PDE4D: variants seen among roughly 807,000 people sequenced by gnomAD.
The protein encoded by PDE4D is 3',5'-cyclic-AMP phosphodiesterase 4D.
In PDE4D, 24 loss-of-function variants were observed where a neutral mutation model predicts 87.4. That is an observed-to-expected ratio of 0.27 (90% CI 0.20 to 0.39). The LOEUF (loss-of-function observed/expected upper bound fraction) is 0.39. Among genes scored for constraint, PDE4D ranks in the 10% least tolerant of loss-of-function variants. The pLI is 1.00. For missense variants in PDE4D, 714 were observed against 1,041.0 expected (o/e 0.69, Z 4.32); for synonymous variants, 384 against 383.2 (o/e 1.00, Z -0.02).
chr5:60,225,292 C>A lies in PDE4D; in HGVS notation c.-89-39605G>T, dbSNP rs189131753. 2.1e-3 allele frequency among the ~76,000 whole-genome samples: 323 copies of A among 152,092 alleles called. 1 individual carries two copies. Among genetic ancestry groups the A allele is most frequent in the Middle Eastern group, 6.8e-3 (2 of 292 alleles). ...ACTGAATGAATTTTCTTACTTGCCT[C>A]GTATTTATACCAGGGCTTTAGAATT... On this transcript the variant is annotated intron_variant, in intron 1 of 16. Coordinates refer to the PDE4D transcript ENST00000502484.
chr5:59,169,326 T>A (rs989579252), intron 5 of PDE4D, among the ~76,000 whole-genome samples: 10 of 152,198 alleles, frequency 6.6e-5, no homozygotes, highest in Middle Eastern at 3.4e-3. Context: ...TTTTATTTTT[T>A]TTTTTTCTTT....
intron 1 of PDE4D, among the ~76,000 whole-genome samples, chr5:60,273,671 T>C (rs562876747): frequency 2.0e-5 from 3 of 151,828 alleles, no homozygotes; most frequent in African/African-American, 7.2e-5. Flanking sequence ...GAATCAAGAG[T>C]GATAGAATCC....
chr5:59,231,296 T>C lies in PDE4D; in HGVS notation c.456-15328A>G, dbSNP rs970160237. Among the ~76,000 whole-genome samples, 7 of 152,344 alleles carry C rather than the reference T, an allele frequency of 4.6e-5. No individual in the cohort carries two copies. The East Asian group carries it at 1.4e-3, about 29-fold the overall frequency. ...GAAATTCTGCTTGTTGTCTGCCATA[T>C]TCCATTCTCTGCCTGTTCCTGGGCA... is the stretch of plus-strand genomic sequence containing the variant. On this transcript the variant is annotated intron_variant, in intron 1 of 14. Coordinates refer to ENST00000340635, the MANE Select transcript of PDE4D (RefSeq NM_001104631.2).
At chr5:60,197,030 T>G (rs1048058285) in intron 1 of PDE4D, among the ~76,000 whole-genome samples, 1 of 80,670 alleles carries the variant, frequency 1.2e-5, no homozygotes, top group Non-Finnish European at 2.4e-5. Context: ...GATAGATAGA[T>G]AGATAGATAG....
At chr5:59,648,477 G>T (rs1279767496) in intron 1 of PDE4D, among the ~76,000 whole-genome samples, 2 of 152,124 alleles carry the variant, frequency 1.3e-5, no homozygotes, top group African/African-American at 4.8e-5. Flanking sequence ...TACTATGAAT[G>T]TGAGCTTCTG....
At chr5:59,607,553 AGGAGGAGAGC>A (rs1218465698) in intron 1 of PDE4D, among the ~76,000 whole-genome samples, 3 of 152,098 alleles carry the variant, frequency 2.0e-5, no homozygotes, top group African/African-American at 4.8e-5. Flanking sequence ...CAGCATGCCA[AGGAGGAGAGC>A]GGAAAAGAGC....
At chr5:59,421,969 C>T (rs1343530263) in intron 1 of PDE4D, among the ~76,000 whole-genome samples, 3 of 152,102 alleles carry the variant, frequency 2.0e-5, no homozygotes, top group Non-Finnish European at 2.9e-5. Context: ...ACCTTGTTTC[C>T]ATGGTCCTAT....
intron 1 of PDE4D, among the ~76,000 whole-genome samples, chr5:60,326,685 C>T (rs961163062): frequency 6.6e-6 from 1 of 152,118 alleles, no homozygotes; most frequent in African/African-American, 2.4e-5. Context: ...TTTGCCCACA[C>T]AGAGCTATTC....
At chr5:59,130,191 G>C (rs1408902825) in intron 5 of PDE4D, among the ~76,000 whole-genome samples, 1 of 152,118 alleles carries the variant, frequency 6.6e-6, no homozygotes, top group Admixed American at 6.5e-5. Context: ...GTTTCACTGA[G>C]TATCTGATTA....
At chr5:59,655,497 T>C (rs1049653362) in intron 1 of PDE4D, among the ~76,000 whole-genome samples, 7 of 152,214 alleles carry the variant, frequency 4.6e-5, no homozygotes, top group Non-Finnish European at 5.9e-5. Context: ...ATATTTTACA[T>C]CCTTGTAATT....
In PDE4D at chr5:59,538,893, T is replaced by A. The variant is rs551943531; in HGVS notation, c.456-322925A>T. Among the ~76,000 whole-genome samples the A allele has an allele frequency of 3.3e-5, 5 of 152,260 alleles. No individual in the cohort carries two copies. The South Asian group carries it at 1.0e-3, about 32-fold the overall frequency. On this transcript the variant is annotated intron_variant, in intron 1 of 14. Transcript: ENST00000340635. Reference sequence around the variant, plus strand: ...GTGGTAATGTCAAGAACTCTCCACTTTCCAACTTTGCATATGCTCTTGTCT... The same window carrying A: ...GTGGTAATGTCAAGAACTCTCCACTATCCAACTTTGCATATGCTCTTGTCT...
At chr5:59,172,357 GTATATAT>G (rs1235238920) in intron 5 of PDE4D, among the ~76,000 whole-genome samples, 1 of 127,774 alleles carries the variant, frequency 7.8e-6, no homozygotes. Context: ...TATATATTTT[GTATATAT>G]TATATATAAT....
At chr5:60,356,836 C>A (rs1170296948) in intron 1 of PDE4D, among the ~76,000 whole-genome samples, 1 of 152,130 alleles carries the variant, frequency 6.6e-6, no homozygotes, top group Non-Finnish European at 1.5e-5. Context: ...GGCTTGGAAG[C>A]ACCAGAAGCA....
Position 60,110,018 on chromosome 5 carries a change from T to TA in PDE4D, c.42+75538dup, listed in dbSNP as rs35394405. ...CTAAAACTTAAAGTATAATAATAAT[T>TA]AAAAAAAAATTAAAAACCTATTCTT... On this transcript the variant is annotated intron_variant, in intron 2 of 16. Transcript: ENST00000502484. Among the ~76,000 whole-genome samples, 1,163 of 151,226 alleles carry TA rather than the reference T, an allele frequency of 7.7e-3. 15 individuals are homozygous for TA. The highest frequency in any genetic ancestry group is 0.011 in the Non-Finnish European group (750 of 67,644).
In PDE4D at chr5:60,328,641, T is replaced by G. The variant is rs577411707; in HGVS notation, c.-89-142954A>C. On this transcript the variant is annotated intron_variant, in intron 1 of 16. Coordinates refer to the PDE4D transcript ENST00000502484. ...GGTATAAAGATTTTGTAGATTTTTT[T>G]GGGCTCATGCATATATGTTTCTGTT... is the stretch of plus-strand genomic sequence containing the variant. Among the ~76,000 whole-genome samples the G allele has an allele frequency of 2.2e-3, 333 of 152,352 alleles. 1 individual carries two copies. The highest frequency in any genetic ancestry group is 4.0e-3 in the Non-Finnish European group (275 of 68,030).
chr5:60,019,717 T>C (rs956814633), intron 2 of PDE4D, among the ~76,000 whole-genome samples: 2 of 152,166 alleles, frequency 1.3e-5, no homozygotes, highest in Non-Finnish European at 2.9e-5. Flanking sequence ...GATTAGGCTT[T>C]GGTTTAAGGG....
At chr5:59,034,378 C>G (rs1183356881) in intron 6 of PDE4D, among the ~76,000 whole-genome samples, 2 of 152,036 alleles carry the variant, frequency 1.3e-5, no homozygotes, top group East Asian at 1.9e-4. Context: ...AACTAACATG[C>G]CTTTTCCAAT....
chr5:59,726,114 AT>A (rs541400022), intron 1 of PDE4D, among the ~76,000 whole-genome samples: 214 of 152,090 alleles, frequency 1.4e-3, no homozygotes, highest in African/African-American at 5.0e-3. Context: ...AATGTGTTTA[AT>A]TTTTTTTAAG....
intron 1 of PDE4D, among the ~76,000 whole-genome samples, chr5:60,304,647 G>GT (rs1431716887): frequency 1.1e-5 from 1 of 91,842 alleles, no homozygotes; most frequent in African/African-American, 7.4e-5. Flanking sequence ...GCGAGACTCC[G>GT]TCTCAAAAAA....
Sources: gnomAD v4.1 joint callset for allele counts (sites outside exome capture counted in the v4.1 genomes callset) on GRCh38, gnomAD v4.1.1 for gene constraint, MANE v1.5 for transcripts, NCBI Gene and HGNC (gene_info 2026-07-23, HGNC 2026-07-21) for gene names.